Variants in ACP6 observed in about 807,000 individuals in gnomAD.
ACP6 encodes lysophosphatidic acid phosphatase type 6.
Under a neutral mutation model 48.1 loss-of-function variants are expected in ACP6, and 48 were observed. The ratio of observed to expected loss-of-function variants is 1.00; its 90% CI spans 0.79 to 1.27. ACP6 has a LOEUF of 1.27. Among genes scored for constraint, ACP6 ranks in the 50% most tolerant of loss-of-function variants. The pLI is 0.00. For missense variants in ACP6, 485 were observed against 529.1 expected (o/e 0.92, Z 0.82); for synonymous variants, 172 against 204.2 (o/e 0.84, Z 1.34).
At chr1:147,667,660 T>C (rs1285911360) in intron 1 of ACP6, among the ~76,000 whole-genome samples, 1 of 152,206 alleles carries the variant, frequency 6.6e-6, no homozygotes, top group Admixed American at 6.5e-5. Flanking sequence ...AGGCAGTCCC[T>C]TCTGACTATA....
downstream of ACP6, among the ~76,000 whole-genome samples, chr1:147,641,376 G>C (rs890490297): frequency 1.3e-5 from 2 of 152,184 alleles, no homozygotes; most frequent in Non-Finnish European, 2.9e-5. Context: ...AGGGGAATAG[G>C]CACATGGCAG....
chr1:147,636,820 T>C (rs1428579340), intron 5 of ACP6, among the ~76,000 whole-genome samples: 1 of 152,228 alleles, frequency 6.6e-6, no homozygotes, highest in Non-Finnish European at 1.5e-5. Flanking sequence ...GGGTTCTAGC[T>C]GAAGCAGAAA....
At chr1:147,641,712 A>G (rs1659457603), downstream of ACP6, among the ~76,000 whole-genome samples, 1 of 152,246 alleles carries the variant, frequency 6.6e-6, no homozygotes, top group Non-Finnish European at 1.5e-5. Context: ...TCAGGTAGAT[A>G]AACATTAACT....
rs1553209530 is a variant in ACP6, at chr1:147,646,940, C to T, written c.*483G>A. On this transcript the variant is annotated 3_prime_UTR_variant, in exon 10 of 10. Transcript: ENST00000583509. ...GCCATGTGAGCAGGAAGTTTCTTCT[C>T]TATACCCAAATAGCCCCTCAAATAC... 1.3e-5 allele frequency: 2 copies of T among 154,644 alleles called. No individual in the cohort carries two copies. Among genetic ancestry groups the T allele is most frequent in the Non-Finnish European group, 1.4e-5 (1 of 69,698 alleles). 9.6% of individuals were successfully genotyped at this position (154,644 alleles called of 1,614,324 possible).
chr1:147,667,102 GA>G lies in ACP6; in HGVS notation c.219+2727del, dbSNP rs879953745. Among the ~76,000 whole-genome samples the G allele has an allele frequency of 3.8e-3, 580 of 151,328 alleles. 1 individual carries two copies. The highest frequency in any genetic ancestry group is 7.0e-3 in the Admixed American group (107 of 15,210). On this transcript the variant is annotated intron_variant, in intron 1 of 9. Transcript: ENST00000583509. ...CATTTGGATCTGCTCTAATGATCAG[GA>G]AAAAAAATGGCCAATCAAGTTCTAT...
At chr1:147,640,951 G>A (rs781802659), downstream of ACP6, among the ~76,000 whole-genome samples, 3 of 152,048 alleles carry the variant, frequency 2.0e-5, no homozygotes, top group Non-Finnish European at 4.4e-5. Flanking sequence ...TCTGAAGAGA[G>A]CACACAGCCA....
rs1242863634 is a variant in ACP6, at chr1:147,652,753, G to A, written c.781-204C>T. 3.8e-4 allele frequency: 235 copies of A among 610,882 alleles called. 3 individuals carry two copies. Among genetic ancestry groups the A allele is most frequent in the South Asian group, 8.5e-4 (36 of 42,466 alleles). The allele number at this position is 610,882 out of a possible 1,614,324, so 37.8% of individuals were successfully genotyped here. On this transcript the variant is annotated intron_variant, in intron 6 of 9. Coordinates refer to ENST00000583509, the MANE Select transcript of ACP6 (RefSeq NM_016361.5). ...CTATTACTAGATACCTGAAGGCCAG[G>A]AAAAAAAAAAAAGAAAGGGTTTCTT...
chr1:147,648,148 C>A, intron 9 of ACP6, 98 bp downstream of exon 9: 1 of 1,407,296 alleles, frequency 7.1e-7, no homozygotes, highest in Non-Finnish European at 9.8e-7. Flanking sequence ...AAGAGAGACT[C>A]CACTGGGCCT....
intron 3 of ACP6, 29 bp downstream of exon 3, chr1:147,659,367 A>C: frequency 6.2e-7 from 1 of 1,609,516 alleles, no homozygotes; most frequent in South Asian, 1.1e-5. Context: ...CCTTAAATTA[A>C]GTGCAACATC....
At chr1:147,663,310 G>C (rs1334502813) in intron 1 of ACP6, among the ~76,000 whole-genome samples, 6 of 152,092 alleles carry the variant, frequency 3.9e-5, no homozygotes, top group African/African-American at 1.4e-4. Flanking sequence ...GCAGTAAATG[G>C]GGAAAGAGAG....
chr1:147,660,527 C>A (rs977883503), intron 1 of ACP6, among the ~76,000 whole-genome samples: 7 of 152,190 alleles, frequency 4.6e-5, no homozygotes, highest in African/African-American at 1.4e-4. Flanking sequence ...AGGCCCCAAA[C>A]CTCAAACCTT....
chr1:147,631,857 C>T (rs1263202120), intron 5 of ACP6, among the ~76,000 whole-genome samples: 2 of 152,012 alleles, frequency 1.3e-5, no homozygotes, highest in Non-Finnish European at 2.9e-5. Flanking sequence ...TGAATCACAC[C>T]ACTTTCTTCC....
Position 147,659,755 on chromosome 1 carries a change from T to C in ACP6, c.240A>G (p.Leu80=), listed in dbSNP as rs1176379729. The C allele has an allele frequency of 2.3e-5, 37 of 1,613,978 alleles. No homozygotes were observed. The highest frequency in any genetic ancestry group is 3.1e-5 in the Non-Finnish European group (36 of 1,180,016). Residue 80 remains leucine, a synonymous_variant, in exon 2 of 10, where the codon CTA becomes CTG. Coordinates refer to ENST00000583509, the MANE Select transcript of ACP6 (RefSeq NM_016361.5). ...LEEQVEWNPQ[L]LEVPPQTQFD... ...ACTGAGTTTGGGGTGGGACCTCTAA[T>C]AGCTGGGGGTTCCACTCTACCTGTT...
chr1:147,648,594 G>A (rs587619773), intron 8 of ACP6, among the ~76,000 whole-genome samples, 183 bp from the exon 9 acceptor site: 6 of 152,192 alleles, frequency 3.9e-5, no homozygotes, highest in East Asian at 1.9e-4. Flanking sequence ...CCCACTCCCC[G>A]TGTCTTCATG....
intron 1 of ACP6, among the ~76,000 whole-genome samples, chr1:147,662,530 G>A (rs1660597659): frequency 6.6e-6 from 1 of 152,230 alleles, no homozygotes; most frequent in African/African-American, 2.4e-5. Context: ...CGTGGAAGAA[G>A]TAACTGCAGA....
Position 147,646,988 on chromosome 1 carries a change from G to C in ACP6, c.*435C>G, listed in dbSNP as rs148814331. 4.3e-3 allele frequency: 757 copies of C among 175,044 alleles called. 8 individuals carry two copies. The highest frequency in any genetic ancestry group is 0.017 in the African/African-American group (720 of 41,734). 10.8% of individuals were successfully genotyped at this position (175,044 alleles called of 1,614,324 possible). ...TACCTATTACAGCATAAAACATACA[G>C]CACTGTATCACTGATTTACTCGGCT... is the stretch of plus-strand genomic sequence containing the variant. On this transcript the variant is annotated 3_prime_UTR_variant, in exon 10 of 10. Transcript: ENST00000583509.
At position 147,650,215 on chromosome 1, in the gene ACP6, C is replaced by T; in HGVS notation, c.905G>A (p.Gly302Asp). 1 of 1,602,402 alleles carries T rather than the reference C, an allele frequency of 6.2e-7. No homozygotes were observed. Among genetic ancestry groups the T allele is most frequent in the South Asian group, 1.1e-5 (1 of 89,026 alleles). ...GCTCTCTAGGATGTGGAGGAATGGG[C>T]CTACTGCCATCTGAAGACTTTCCCT... ...EDRESLQMAV[G>D]PFLHILESNL... is the part of the protein sequence containing the mutation. Residue 302 changes from glycine (G) to aspartate (D), a missense_variant, in exon 8 of 10, where the codon GGC becomes GAC. Coordinates refer to ENST00000583509, the MANE Select transcript of ACP6 (RefSeq NM_016361.5).
At position 147,664,983 on chromosome 1, in the gene ACP6, C is replaced by T. The variant is rs587702272; in HGVS notation, c.219+4847G>A. Among the ~76,000 whole-genome samples the T allele has an allele frequency of 1.9e-4, 29 of 152,228 alleles. No homozygotes were observed. In the East Asian group the frequency reaches 2.9e-3, roughly 15 times the overall value. On this transcript the variant is annotated intron_variant, in intron 1 of 9. Transcript: ENST00000583509. ...ATTCCAAAAATAACTAGAAAGCTTG[C>T]GCAAAGCAGAGATGGTAAAGAATGT...
At chr1:147,650,430 G>A in intron 7 of ACP6, 192 bp from the exon 8 acceptor site, 2 of 514,952 alleles carry the variant, frequency 3.9e-6, no homozygotes, top group South Asian at 5.7e-5. Context: ...TGTGAATGAA[G>A]ACTCCCAACA....
Sources: gnomAD v4.1 joint callset for allele counts (sites outside exome capture counted in the v4.1 genomes callset) on GRCh38, gnomAD v4.1.1 for gene constraint, MANE v1.5 for transcripts, NCBI Gene and HGNC (gene_info 2026-07-23, HGNC 2026-07-21) for gene names.